FAT3: variants seen among roughly 807,000 people sequenced by gnomAD.
FAT3 encodes the protein FAT atypical cadherin 3.
FAT3 carries 95 observed loss-of-function variants against 310.2 expected under a neutral mutation model. That is an observed-to-expected ratio of 0.31 (90% CI 0.26 to 0.36). The LOEUF is 0.36. Among genes scored for constraint, FAT3 ranks in the 10% least tolerant of loss-of-function variants. FAT3 has a pLI of 1.00. For synonymous variants in FAT3, 2,314 were observed against 2,192.9 expected (o/e 1.06, Z -1.54); for missense variants, 5,408 against 5,715.6 (o/e 0.95, Z 1.74).
At chr11:92,560,074 A>G (rs1278592346) in intron 3 of FAT3, among the ~76,000 whole-genome samples, 1 of 152,220 alleles carries the variant, frequency 6.6e-6, no homozygotes, top group Non-Finnish European at 1.5e-5. Flanking sequence ...ACATCCCACT[A>G]TCAGTCTATG....
chr11:92,266,540 G>A (rs1043382229), intron 1 of FAT3, among the ~76,000 whole-genome samples: 2 of 152,046 alleles, frequency 1.3e-5, no homozygotes, highest in African/African-American at 4.8e-5. Context: ...ATTCTAGCGG[G>A]TATATGTTAT....
intron 3 of FAT3, among the ~76,000 whole-genome samples, chr11:92,663,719 C>G (rs1942867291): frequency 6.6e-6 from 1 of 152,106 alleles, no homozygotes; most frequent in African/African-American, 2.4e-5. Context: ...ATCCAAATTC[C>G]CTCTTCATGA....
intron 17 of FAT3, among the ~76,000 whole-genome samples, chr11:92,838,909 T>G (rs1374419475): frequency 6.6e-6 from 1 of 152,052 alleles, no homozygotes; most frequent in Non-Finnish European, 1.5e-5. Flanking sequence ...CCTGGTGGTG[T>G]TTTGGTTTTC....
chr11:92,380,756 C>T (rs955230315), intron 2 of FAT3, among the ~76,000 whole-genome samples: 4 of 152,186 alleles, frequency 2.6e-5, no homozygotes, highest in African/African-American at 9.7e-5. Flanking sequence ...GGAATATAGA[C>T]TCCCATTTTT....
chr11:92,360,314 T>G (rs1194075463), intron 2 of FAT3, among the ~76,000 whole-genome samples: 1 of 152,222 alleles, frequency 6.6e-6, no homozygotes, highest in African/African-American at 2.4e-5. Flanking sequence ...AAACCATACC[T>G]TTGAAATTCT....
rs1027018690 is a variant in FAT3, at chr11:92,891,261, C to T, written c.*148C>T. On this transcript the variant is annotated 3_prime_UTR_variant, in exon 28 of 28. Coordinates refer to ENST00000525166, the MANE Select transcript of FAT3 (RefSeq NM_001367949.2). ...AAACTTCTTCACAAGTCATACTGTCCCAACAAGCAAGCTTGATTCCAGTTG... is the reference window on the plus strand; with the variant it reads ...AAACTTCTTCACAAGTCATACTGTCTCAACAAGCAAGCTTGATTCCAGTTG... The T allele has an allele frequency of 3.6e-6, 4 of 1,097,730 alleles. No individual in the cohort carries two copies. The highest frequency in any genetic ancestry group is 5.1e-6 in the Non-Finnish European group (4 of 785,754). The allele number at this position is 1,097,730 out of a possible 1,614,324, so 68.0% of individuals were successfully genotyped here. A position where few individuals can be genotyped will look rare whatever the true frequency, so the allele number is the denominator to read the frequency against.
At chr11:92,590,900 C>T (rs1299235417) in intron 3 of FAT3, among the ~76,000 whole-genome samples, 1 of 152,014 alleles carries the variant, frequency 6.6e-6, no homozygotes, top group African/African-American at 2.4e-5. Context: ...AACACAAAGC[C>T]TAAACTGTAC....
At chr11:92,834,821 C>G (rs1177700356) in intron 14 of FAT3, 49 bp from the exon 15 acceptor site, 2 of 1,428,020 alleles carry the variant, frequency 1.4e-6, no homozygotes, top group Non-Finnish European at 9.6e-7. Flanking sequence ...GAATTGCTGA[C>G]CAGTGTTTTT....
intron 7 of FAT3, among the ~76,000 whole-genome samples, chr11:92,784,160 C>G (rs1234833871): frequency 6.6e-6 from 1 of 152,182 alleles, no homozygotes; most frequent in Non-Finnish European, 1.5e-5. Context: ...TTTAACTTCT[C>G]TAATTCTCAT....
At chr11:92,273,144 G>T (rs1946173684) in intron 1 of FAT3, among the ~76,000 whole-genome samples, 1 of 152,050 alleles carries the variant, frequency 6.6e-6, no homozygotes, top group Admixed American at 6.6e-5. Context: ...GTGAAATTAT[G>T]AGTCTGATCC....
At chr11:92,520,360 A>G (rs949397413) in intron 2 of FAT3, among the ~76,000 whole-genome samples, 1 of 152,152 alleles carries the variant, frequency 6.6e-6, no homozygotes, top group African/African-American at 2.4e-5. Context: ...GGGATTGAAA[A>G]TGAGAAAGAG....
At chr11:92,467,975 A>T (rs1951812116) in intron 2 of FAT3, among the ~76,000 whole-genome samples, 1 of 152,216 alleles carries the variant, frequency 6.6e-6, no homozygotes. Context: ...GACATAGGAG[A>T]AGTCACATAT....
intron 3 of FAT3, among the ~76,000 whole-genome samples, chr11:92,541,416 G>C (rs1482810339): frequency 6.6e-6 from 1 of 152,074 alleles, no homozygotes; most frequent in Non-Finnish European, 1.5e-5. Context: ...AACTGCTTTT[G>C]TTTAAACTCC....
rs1432711317 is a variant in FAT3, at chr11:92,718,993, A to C, written c.3669+21548A>C. 2.0e-5 allele frequency among the ~76,000 whole-genome samples: 3 copies of C among 152,342 alleles called. No homozygotes were observed. In the East Asian group the frequency reaches 5.8e-4, roughly 29 times the overall value. On this transcript the variant is annotated intron_variant, in intron 4 of 27. Transcript: ENST00000525166. ...TGCTTTGAGCTATGTCCTTGTATCA[A>C]GTCCCATCACCAGAACACCATGTAC...
intron 6 of FAT3, among the ~76,000 whole-genome samples, chr11:92,765,789 A>AGG (rs11430971): frequency 0.034 from 5,065 of 150,016 alleles, 205 homozygotes; most frequent in African/African-American, 0.1. Context: ...ATTTTTTTTG[A>AGG]GGGGGGGGTT....
At chr11:92,606,423 C>A (rs1940300683) in intron 3 of FAT3, among the ~76,000 whole-genome samples, 1 of 152,070 alleles carries the variant, frequency 6.6e-6, no homozygotes, top group East Asian at 1.9e-4. Flanking sequence ...GAGCTGGCAC[C>A]CTTTAGACAG....
At chr11:92,448,113 A>T (rs1951263725) in intron 2 of FAT3, among the ~76,000 whole-genome samples, 1 of 152,148 alleles carries the variant, frequency 6.6e-6, no homozygotes, top group South Asian at 2.1e-4. Flanking sequence ...AGTTCCCTTA[A>T]TGTAAACTGT....
chr11:92,234,884 A>G (rs1302511782), intron 1 of FAT3, among the ~76,000 whole-genome samples: 7 of 147,998 alleles, frequency 4.7e-5, no homozygotes. Flanking sequence ...CCTGGGTGAC[A>G]ACAGTGAGAC....
At chr11:92,580,322 A>G (rs1033509290) in intron 3 of FAT3, among the ~76,000 whole-genome samples, 1 of 152,006 alleles carries the variant, frequency 6.6e-6, no homozygotes, top group African/African-American at 2.4e-5. Context: ...TAGTGATGCT[A>G]CCATGATTTT....
Sources: gnomAD v4.1 joint callset for allele counts (sites outside exome capture counted in the v4.1 genomes callset) on GRCh38, gnomAD v4.1.1 for gene constraint, MANE v1.5 for transcripts, NCBI Gene and HGNC (gene_info 2026-07-23, HGNC 2026-07-21) for gene names.